The following MFSD12 variants were observed in gnomAD, a reference collection of about 807,000 sequenced individuals.
MFSD12 encodes major facilitator superfamily domain-containing protein 12.
In MFSD12, 67 loss-of-function variants were observed where a neutral mutation model predicts 51.2. The observed-to-expected ratio is 1.31, with a 90% CI of 1.08 to 1.60. MFSD12 has a LOEUF of 1.60. Ranked by LOEUF, MFSD12 falls within the 40% of genes most tolerant of loss-of-function variation. The pLI, the probability that MFSD12 is intolerant of heterozygous loss-of-function variation, is 0.00. For missense variants in MFSD12, 921 were observed against 673.0 expected (o/e 1.37, Z -4.08); for synonymous variants, 441 against 316.7 (o/e 1.39, Z -4.17).
Position 3,551,840 on chromosome 19 carries a change from C to T in MFSD12, c.299-646G>A, listed in dbSNP as rs886496980. 6.6e-6 allele frequency among the ~76,000 whole-genome samples: 1 copy of T among 152,206 alleles called. No homozygotes were observed. Among genetic ancestry groups the T allele is most frequent in the Non-Finnish European group, 1.5e-5 (1 of 68,044 alleles). The stretch of plus-strand genomic sequence containing the variant: ...CCTGCCCTGCCCTTCCCTCTCTCCC[C>T]CTTCTCTCTCTGCTCCAGCCATGCA... On this transcript the variant is annotated intron_variant, in intron 1 of 9. Coordinates refer to ENST00000355415, the MANE Select transcript of MFSD12 (RefSeq NM_174983.5). The surrounding 1 kb of genome is among the most constrained non-coding windows in gnomAD (Gnocchi z 4.6).
downstream of MFSD12, chr19:3,540,089 C>CTTTTTTTTTTTTTTTTTTTTTTTT (rs770199097): frequency 1.1e-5 from 1 of 88,190 alleles, no homozygotes; most frequent in African/African-American, 3.9e-5. Context: ...CATCTCTTTT[C>CTTTTTTTTTTTTTTTTTTTTTTTT]TTTTTTTTTT....
rs1313077683 is a variant in MFSD12, at chr19:3,551,946, G to A, written c.299-752C>T. Among the ~76,000 whole-genome samples, 3 of 152,032 alleles carry A rather than the reference G, an allele frequency of 2.0e-5. No individual in the cohort carries two copies. The highest frequency in any genetic ancestry group is 4.4e-5 in the Non-Finnish European group (3 of 68,022). ...TTGCATGGGCGTGCCTCTGCCTAGA[G>A]CTCTCTCTCACATCTTAGCAAGACT... is the stretch of plus-strand genomic sequence containing the variant. On this transcript the variant is annotated intron_variant, in intron 1 of 9. Transcript: ENST00000355415. The surrounding 1 kb of genome is among the most constrained non-coding windows in gnomAD (Gnocchi z 4.6).
At chr19:3,546,008 C>T in intron 8 of MFSD12, 66 bp downstream of exon 8, 1 of 1,534,052 alleles carries the variant, frequency 6.5e-7, no homozygotes, top group East Asian at 2.3e-5. Context: ...CACTGCTGGA[C>T]ACACAGCAGG....
Position 3,547,460 on chromosome 19 carries a change from G to C in MFSD12, c.925C>G (p.Pro309Ala). 1.2e-6 allele frequency: 2 copies of C among 1,613,000 alleles called. No individual in the cohort carries two copies. Among genetic ancestry groups the C allele is most frequent in the Non-Finnish European group, 8.5e-7 (1 of 1,179,864 alleles). The change falls in exon 5 of 10, where the codon CCC (proline) becomes GCC (alanine). Residue 309 changes from proline (P) to alanine (A), a missense_variant. By Grantham distance (27) the Pro-to-Ala change is conservative. Transcript: ENST00000355415. ...AMYLTYSLHL[P>A]KKFIATIPLV... is the part of the protein sequence containing the mutation. ...CCCCGCCCCAATCTGCTCACCTTGG[G>C]CAGGTGGAGCGAGTAGGTGAGGTAC...
chr19:3,542,510 G>T (rs1441322604), downstream of MFSD12: 1 of 970,486 alleles, frequency 1.0e-6, no homozygotes, highest in Non-Finnish European at 1.2e-6. Context: ...GTCTCACTCT[G>T]TTGCCCAGGC....
chr19:3,553,853 G>A (rs540906820), intron 1 of MFSD12, among the ~76,000 whole-genome samples: 5 of 151,586 alleles, frequency 3.3e-5, no homozygotes, highest in South Asian at 2.1e-4. Context: ...AGGCTGCAGC[G>A]GATGGATCAC....
At chr19:3,543,542 CGCCCCACCGCA>C (rs1217393440), downstream of MFSD12, 6 of 1,520,352 alleles carry the variant, frequency 3.9e-6, no homozygotes, top group African/African-American at 8.4e-5. Flanking sequence ...CGCCAGCCCC[CGCCCCACCGCA>C]GCCTACACCC....
rs1205190580 is a variant in MFSD12 at position 3,544,605 on chromosome 19, T to G, written c.*105A>C. The G allele has an allele frequency of 2.7e-6, 4 of 1,487,014 alleles. No individual in the cohort carries two copies. The highest frequency in any genetic ancestry group is 1.8e-6 in the Non-Finnish European group (2 of 1,119,526). 92.1% of individuals were successfully genotyped at this position (1,487,014 alleles called of 1,614,324 possible). On this transcript the variant is annotated 3_prime_UTR_variant, in exon 10 of 10. Transcript: ENST00000355415. ...GCTGGGTGAGGATGGAGGGTGGGGG[T>G]CCAGAGAAGAGTGAGGGGCAGTGGG...
intron 1 of MFSD12, among the ~76,000 whole-genome samples, chr19:3,554,366 G>C (rs1053748845): frequency 6.6e-6 from 1 of 151,670 alleles, no homozygotes. Context: ...GAACTCAGGA[G>C]GCGAAGGTTG....
At chr19:3,543,934 G>C (rs369345653), downstream of MFSD12, 229 of 1,551,122 alleles carry the variant, frequency 1.5e-4, no homozygotes, top group African/African-American at 1.9e-3. Flanking sequence ...CAGAACTACC[G>C]GGAGTGGGTC....
chr19:3,542,990 A>T, downstream of MFSD12: 1 of 1,584,440 alleles, frequency 6.3e-7, no homozygotes, highest in Non-Finnish European at 8.6e-7. Context: ...GAGAACAGAA[A>T]GGTTTAGTGC....
At chr19:3,539,427 G>C (rs1380115096), downstream of MFSD12, 14 of 589,924 alleles carry the variant, frequency 2.4e-5, no homozygotes, top group East Asian at 1.7e-4. Flanking sequence ...CCTCCGGCCA[G>C]TGGCCGCTCA....
intron 2 of MFSD12, among the ~76,000 whole-genome samples, chr19:3,549,637 C>T (rs932859472): frequency 7.3e-5 from 11 of 151,018 alleles, no homozygotes; most frequent in African/African-American, 2.7e-4. Context: ...GCAGGAGAAC[C>T]GCTTGAACCC....
intron 2 of MFSD12, among the ~76,000 whole-genome samples, chr19:3,550,420 C>T (rs1045930628): frequency 2.0e-5 from 3 of 150,950 alleles, no homozygotes; most frequent in African/African-American, 7.3e-5. Flanking sequence ...GAGACGGAAT[C>T]TCGCTCTGTC....
At chr19:3,543,679 C>G (rs376372464), downstream of MFSD12, 4 of 1,534,278 alleles carry the variant, frequency 2.6e-6, no homozygotes, top group Non-Finnish European at 2.6e-6. Flanking sequence ...GCAAGGAATA[C>G]GGTGAGGCTA....
At chr19:3,549,122 A>G (rs796679553) in intron 2 of MFSD12, among the ~76,000 whole-genome samples, 24 of 152,270 alleles carry the variant, frequency 1.6e-4, no homozygotes, top group African/African-American at 5.8e-4. Context: ...AGGGCCTATA[A>G]CTATGCCAGG....
At chr19:3,539,678 G>A (rs529111239), downstream of MFSD12, 13 of 184,840 alleles carry the variant, frequency 7.0e-5, 1 homozygote, top group East Asian at 1.4e-3. Flanking sequence ...GTCTTCACCC[G>A]GCCTTCCTGT....
At chr19:3,547,046 G>T (rs556397077) in intron 6 of MFSD12, among the ~76,000 whole-genome samples, 1 of 152,268 alleles carries the variant, frequency 6.6e-6, no homozygotes, top group Admixed American at 6.5e-5. Context: ...CACCGTGTTA[G>T]CCAGGATGGT....
At chr19:3,552,906 G>T (rs2031551316) in intron 1 of MFSD12, among the ~76,000 whole-genome samples, 1 of 152,168 alleles carries the variant, frequency 6.6e-6, no homozygotes, top group Admixed American at 6.5e-5. Context: ...TCGGAGCCAG[G>T]CTCCTTCCCT....
Sources: allele counts gnomAD v4.1 joint callset (sites outside exome capture counted in the v4.1 genomes callset), GRCh38; gene constraint gnomAD v4.1.1; non-coding constraint Gnocchi (gnomAD v3.1); transcripts MANE v1.5; gene names NCBI Gene and HGNC (gene_info 2026-07-23, HGNC 2026-07-21).